ARHGAP33: variants seen among roughly 807,000 people sequenced by gnomAD.
The protein encoded by ARHGAP33 is Rho GTPase activating protein 33.
In ARHGAP33, 57 loss-of-function variants were observed where a neutral mutation model predicts 126.2. The observed-to-expected ratio is 0.45, with a 90% CI of 0.36 to 0.56. The LOEUF (loss-of-function observed/expected upper bound fraction) is 0.56, where lower values mean the gene tolerates loss of function less well. Among genes scored for constraint, ARHGAP33 ranks in the 20% least tolerant of loss-of-function variants. The pLI, the probability that ARHGAP33 is intolerant of heterozygous loss-of-function variation, is 0.00. For missense variants in ARHGAP33, 1,500 were observed against 1,748.3 expected (o/e 0.86, Z 2.53); for synonymous variants, 711 against 755.0 (o/e 0.94, Z 0.95).
rs767981943 is a variant in ARHGAP33 at position 35,778,569 on chromosome 19, C to T, written c.376C>T (p.Pro126Ser). 10 of 1,613,948 alleles carry T rather than the reference C, an allele frequency of 6.2e-6. No individual in the cohort carries two copies. Among genetic ancestry groups the T allele is most frequent in the Non-Finnish European group, 7.6e-6 (9 of 1,179,972 alleles). Reference sequence around the variant, plus strand: ...GAGGTTCTCCTGCCTTCCGGAGCTTCCCCCGCCCCCCGAGGGTGCCAGGGC... The same window carrying T: ...GAGGTTCTCCTGCCTTCCGGAGCTTTCCCCGCCCCCCGAGGGTGCCAGGGC... ...DRRFSCLPEL[P>S]PPPEGARAAQ... is the part of the protein sequence containing the mutation. The change falls in exon 5 of 21, where the codon CCC becomes TCC. Residue 126 changes from proline to serine, a missense_variant. Coordinates refer to ENST00000007510, the MANE Select transcript of ARHGAP33 (RefSeq NM_001366178.1).
Position 35,788,540 on chromosome 19 carries a change from T to C in ARHGAP33, c.*111T>C. The stretch of plus-strand genomic sequence containing the variant: ...AACCCCGACCACTACCCCAGGTTTC[T>C]AACTTTGTAACTTGCTTCTGATGTG... On this transcript the variant is annotated 3_prime_UTR_variant, in exon 21 of 21. Coordinates refer to ENST00000007510, the MANE Select transcript of ARHGAP33 (RefSeq NM_001366178.1). 1 of 962,492 alleles carries C rather than the reference T, an allele frequency of 1.0e-6. No individual in the cohort carries two copies. The highest frequency in any genetic ancestry group is 1.5e-6 in the Non-Finnish European group (1 of 678,586). The allele number at this position is 962,492 out of a possible 1,614,324, so 59.6% of individuals were successfully genotyped here.
chr19:35,780,362 T>C (rs2146699034), intron 7 of ARHGAP33, 29 bp downstream of exon 7: 1 of 1,612,762 alleles, frequency 6.2e-7, no homozygotes, highest in Middle Eastern at 1.7e-4. Flanking sequence ...AGATTCCAGC[T>C]GGGCTCCCCA....
rs779286926 is a variant in ARHGAP33 at position 35,787,888 on chromosome 19, G to T, written c.3323G>T (p.Arg1108Leu). 4.4e-6 allele frequency: 7 copies of T among 1,607,836 alleles called. No homozygotes were observed. In the East Asian group the frequency reaches 1.1e-4, roughly 26 times the overall value. The change falls in exon 21 of 21, where the codon CGC becomes CTC. Residue 1108 changes from arginine to leucine, a missense_variant. Around this residue, in one of 6 missense-constraint regions of ARHGAP33, gnomAD observed 642 missense variants for 634.0 expected, o/e 1.01. Transcript: ENST00000007510. Reference protein sequence around the residue: ...SGPTRSWSPFRSMPPDRLNAS... With the variant: ...SGPTRSWSPFLSMPPDRLNAS... ...CCCACCCGCTCCTGGAGTCCCTTTC[G>T]CTCCATGCCCCCCGACAGGCTCAAT...
At chr19:35,778,020 G>T in intron 3 of ARHGAP33, 112 bp downstream of exon 3, 1 of 1,303,046 alleles carries the variant, frequency 7.7e-7, no homozygotes, top group Non-Finnish European at 1.1e-6. Context: ...GCTGCTGCAC[G>T]CGTCTGAGCA....
At position 35,778,607 on chromosome 19, in the gene ARHGAP33, C is replaced by T. The variant is rs1235848156; in HGVS notation, c.408+6C>T. ...AGGGTGCCAGGGCTGCCCAGGTAAC[C>T]TGCTTGTTGTCTCAGCCCCTGCCTC... is the stretch of plus-strand genomic sequence containing the variant. On this transcript the variant is annotated splice_donor_region_variant and intron_variant, in intron 5 of 20. Coordinates refer to ENST00000007510, the MANE Select transcript of ARHGAP33 (RefSeq NM_001366178.1). The T allele has an allele frequency of 6.2e-7, 1 of 1,611,960 alleles. No homozygotes were observed. The highest frequency in any genetic ancestry group is 1.1e-5 in the South Asian group (1 of 90,872).
Position 35,785,420 on chromosome 19 carries a change from G to A in ARHGAP33, c.1879G>A (p.Asp627Asn), listed in dbSNP as rs890553055. 5.6e-6 allele frequency: 9 copies of A among 1,614,156 alleles called. No homozygotes were observed. Among genetic ancestry groups the A allele is most frequent in the Admixed American group, 3.3e-5 (2 of 60,030 alleles). The change falls in exon 19 of 21, where the codon GAC becomes AAC. Residue 627 changes from aspartate (D) to asparagine (N), a missense_variant. Asp to Asn is a conservative substitution (Grantham distance 23). Coordinates refer to ENST00000007510, the MANE Select transcript of ARHGAP33 (RefSeq NM_001366178.1). The stretch of plus-strand genomic sequence containing the variant: ...TCCCTCTCCTGCAGGCAGCAGACCC[G>A]ACACCGTCACACTGAGATCTGCCAA... The part of the protein sequence containing the change: ...APPQPSGSRP[D>N]TVTLRSAKSE...
intron 16 of ARHGAP33, chr19:35,784,523 G>T: frequency 2.3e-6 from 3 of 1,313,824 alleles, no homozygotes; most frequent in Non-Finnish European, 2.9e-6. Context: ...CCACCTCTTG[G>T]CCCGGACGCC....
chr19:35,778,502 TC>T lies in ARHGAP33; in HGVS notation c.310del (p.Arg104ValfsTer90), dbSNP rs1290240343. 1 of 1,614,094 alleles carries T rather than the reference TC, an allele frequency of 6.2e-7. No individual in the cohort carries two copies. Among genetic ancestry groups the T allele is most frequent in the African/African-American group, 1.3e-5 (1 of 74,934 alleles). On this transcript the variant is annotated frameshift_variant, in exon 5 of 21. Transcript: ENST00000007510. LOFTEE classifies it high-confidence loss of function. ...CGGTTCTCCGGAGTTACGATGACTTTCGTTCCCTGGATGCCCACCTCCACCG... is the reference window on the plus strand; with the variant it reads ...CGGTTCTCCGGAGTTACGATGACTTTGTTCCCTGGATGCCCACCTCCACCG... Reference protein sequence around the residue: ...WPVLRSYDDFRSLDAHLHRCI... With the variant: ...WPVLRSYDDFXSLDAHLHRCI...
At chr19:35,777,550 C>A in intron 1 of ARHGAP33, 95 bp from the exon 2 acceptor site, 1 of 994,648 alleles carries the variant, frequency 1.0e-6, no homozygotes, top group Non-Finnish European at 1.5e-6. Context: ...GTGTGTGGAG[C>A]GCCCGGGGCT....
At position 35,782,601 on chromosome 19, in the gene ARHGAP33, C is replaced by T; in HGVS notation, c.1235C>T (p.Ala412Val). ...TYQLYGKFSE[A>V]MSVPGEEERL... The stretch of plus-strand genomic sequence containing the variant: ...CACACCTGCCCACCATCTCAGGAGG[C>T]CATGTCAGTGCCTGGGGAGGAGGAG... The change falls in exon 14 of 21, where the codon GCC (alanine) becomes GTC (valine). Residue 412 changes from alanine (A) to valine (V), a missense_variant. By Grantham distance (64) the Ala-to-Val change is moderately conservative. Transcript: ENST00000007510. This position sits in a 1 kb window ranked among gnomAD's most constrained non-coding sequence, Gnocchi z 4.1. 6.2e-7 allele frequency: 1 copy of T among 1,613,830 alleles called. No homozygotes were observed. The highest frequency in any genetic ancestry group is 1.3e-5 in the African/African-American group (1 of 75,050).
chr19:35,781,336 C>T (rs1971764616), intron 12 of ARHGAP33, 84 bp downstream of exon 12: 1 of 1,375,854 alleles, frequency 7.3e-7, no homozygotes, highest in East Asian at 2.3e-5. Flanking sequence ...GCTGGGGACA[C>T]AGTTACCAGG....
In ARHGAP33 at chr19:35,782,197, A is replaced by G. The variant is rs1406150187; in HGVS notation, c.1086-176A>G. Among the ~76,000 whole-genome samples, 2 of 152,086 alleles carry G rather than the reference A, an allele frequency of 1.3e-5. No homozygotes were observed. The highest frequency in any genetic ancestry group is 2.4e-5 in the African/African-American group (1 of 41,412). On this transcript the variant is annotated intron_variant, in intron 12 of 20. Coordinates refer to ENST00000007510, the MANE Select transcript of ARHGAP33 (RefSeq NM_001366178.1). This position sits in a 1 kb window ranked among gnomAD's most constrained non-coding sequence, Gnocchi z 4.1. ...TAAATGCGGCACCCTTCTCTTTGCC[A>G]CACAGGCTTGCTGGGGAGTTCAGTA...
chr19:35,776,263 C>T (rs1971454047), intron 1 of ARHGAP33, among the ~76,000 whole-genome samples: 1 of 151,798 alleles, frequency 6.6e-6, no homozygotes, highest in Non-Finnish European at 1.5e-5. Flanking sequence ...AGCACTGTAC[C>T]TCCCTTGATC....
At position 35,785,392 on chromosome 19, in the gene ARHGAP33, C is replaced by A. The variant is rs370963738; in HGVS notation, c.1868-17C>A. ...GATGGTCGCTGGAGTGCCCTCCTACCTCTCCCTCTCCTGCAGGCAGCAGAC... is the reference window on the plus strand; with the variant it reads ...GATGGTCGCTGGAGTGCCCTCCTACATCTCCCTCTCCTGCAGGCAGCAGAC... On this transcript the variant is annotated splice_polypyrimidine_tract_variant and intron_variant, in intron 18 of 20. Transcript: ENST00000007510. 92 of 1,614,048 alleles carry A rather than the reference C, an allele frequency of 5.7e-5. No homozygotes were observed. Among genetic ancestry groups the A allele is most frequent in the Non-Finnish European group, 5.9e-5 (70 of 1,180,022 alleles).
At position 35,780,216 on chromosome 19, in the gene ARHGAP33, C is replaced by T; in HGVS notation, c.507C>T (p.Asp169=). ...ACATTCCACCTCTATTTCAGCTGGA[C>T]AATCACGGCCGGCGACTGCTCCTCA... ...CGPVLTWMEL[D]NHGRRLLLSE... The change falls in exon 7 of 21, where the codon GAC becomes GAT. Residue 169 remains aspartate (D), a synonymous_variant. Coordinates refer to ENST00000007510, the MANE Select transcript of ARHGAP33 (RefSeq NM_001366178.1). 1 of 1,613,790 alleles carries T rather than the reference C, an allele frequency of 6.2e-7. No homozygotes were observed. Among genetic ancestry groups the T allele is most frequent in the East Asian group, 2.2e-5 (1 of 44,874 alleles).
rs1289581098 is a variant in ARHGAP33, at chr19:35,788,537, T to C, written c.*108T>C. ...TTGAACCCCGACCACTACCCCAGGT[T>C]TCTAACTTTGTAACTTGCTTCTGAT... On this transcript the variant is annotated 3_prime_UTR_variant, in exon 21 of 21. Transcript: ENST00000007510. The C allele has an allele frequency of 4.7e-6, 5 of 1,056,200 alleles. No homozygotes were observed. Among genetic ancestry groups the C allele is most frequent in the Non-Finnish European group, 6.6e-6 (5 of 762,818 alleles). The allele number at this position is 1,056,200 out of a possible 1,614,324, so 65.4% of individuals were successfully genotyped here.
intron 19 of ARHGAP33, chr19:35,785,749 T>G: frequency 7.7e-7 from 1 of 1,304,682 alleles, no homozygotes; most frequent in Non-Finnish European, 9.8e-7. Flanking sequence ...AATAATATCA[T>G]GGACACCCAT....
In ARHGAP33 at chr19:35,782,513, T is replaced by G; in HGVS notation, c.1226T>G (p.Phe409Cys). 1 of 1,613,120 alleles carries G rather than the reference T, an allele frequency of 6.2e-7. No homozygotes were observed. Among genetic ancestry groups the G allele is most frequent in the Non-Finnish European group, 8.5e-7 (1 of 1,179,226 alleles). The change falls in exon 13 of 21, where the codon TTC (phenylalanine) becomes TGC (cysteine). Residue 409 changes from phenylalanine to cysteine, a missense_variant. Physicochemically the swap from Phe to Cys is radical, Grantham distance 205. Around this residue, in one of 6 missense-constraint regions of ARHGAP33, gnomAD observed 281 missense variants for 413.7 expected, o/e 0.68. Coordinates refer to ENST00000007510, the MANE Select transcript of ARHGAP33 (RefSeq NM_001366178.1). This position sits in a 1 kb window ranked among gnomAD's most constrained non-coding sequence, Gnocchi z 4.1. ...CTCACCTACCAGCTCTATGGGAAGT[T>G]CAGTGTGAGTAAGGGAGCTGGCGGG... ...PLLTYQLYGK[F>C]SEAMSVPGEE...
chr19:35,784,712 T>A, intron 16 of ARHGAP33: 2 of 1,194,950 alleles, frequency 1.7e-6, no homozygotes, highest in Non-Finnish European at 2.1e-6. Flanking sequence ...CCGAGGTAAC[T>A]GAAGCCAGAG....
Sources: allele counts gnomAD v4.1 joint callset (sites outside exome capture counted in the v4.1 genomes callset), GRCh38; gene constraint gnomAD v4.1.1; regional missense constraint gnomAD v4.1.1; non-coding constraint Gnocchi (gnomAD v3.1); transcripts MANE v1.5; gene names NCBI Gene and HGNC (gene_info 2026-07-23, HGNC 2026-07-21).